The following DNASE1 variants were observed in gnomAD, a reference collection of about 807,000 sequenced individuals.
DNASE1 encodes the protein deoxyribonuclease-1.
Under a neutral mutation model 33.9 loss-of-function variants are expected in DNASE1, and 40 were observed. That is an observed-to-expected ratio of 1.18 (90% CI 0.92 to 1.54). The LOEUF is 1.54. Among genes scored for constraint, DNASE1 ranks in the 40% most tolerant of loss-of-function variants. DNASE1 has a pLI of 0.00. For synonymous variants in DNASE1, 216 were observed against 160.0 expected (o/e 1.35, Z -2.64); for missense variants, 518 against 372.6 (o/e 1.39, Z -3.21).
downstream of DNASE1, chr16:3,660,663 G>C (rs1354711310): frequency 2.0e-5 from 3 of 152,228 alleles, no homozygotes; most frequent in Non-Finnish European, 1.5e-5. Flanking sequence ...TTCCCCAGGA[G>C]TGCCATGGCT....
intron 1 of DNASE1, among the ~76,000 whole-genome samples, chr16:3,645,280 G>T (rs540680752): frequency 2.0e-5 from 3 of 152,334 alleles, no homozygotes; most frequent in East Asian, 3.9e-4. Flanking sequence ...CAGGGAGGGG[G>T]CCCTGCTGAG....
At chr16:3,650,616 AAAAAG>A (rs1427595241), upstream of DNASE1, 16 of 147,870 alleles carry the variant, frequency 1.1e-4, no homozygotes, top group African/African-American at 1.8e-4. Context: ...AAAAAAAAAA[AAAAAG>A]AAAAGAAAAA....
At chr16:3,657,681 T>C in intron 7 of DNASE1, 39 bp from the exon 8 acceptor site, 1 of 1,612,314 alleles carries the variant, frequency 6.2e-7, no homozygotes, top group Non-Finnish European at 8.5e-7. Flanking sequence ...GGCCCATGTG[T>C]GAAAGGGGAA....
At chr16:3,653,006 A>G (rs1178615450), upstream of DNASE1, 1 of 152,286 alleles carries the variant, frequency 6.6e-6, no homozygotes, top group Admixed American at 6.5e-5. Flanking sequence ...GGGGTGGCTC[A>G]AAAGATAGCT....
At chr16:3,654,477 A>T (rs1355896391), upstream of DNASE1, 2 of 398,624 alleles carry the variant, frequency 5.0e-6, no homozygotes, top group Non-Finnish European at 4.4e-6. Flanking sequence ...GCAACTTTGG[A>T]TGTGGCTTTG....
intron 1 of DNASE1, among the ~76,000 whole-genome samples, chr16:3,629,867 G>A (rs548429918): frequency 2.4e-4 from 37 of 152,334 alleles, no homozygotes; most frequent in Non-Finnish European, 4.0e-4. Context: ...AGGCTGGAGT[G>A]TAGTGGCACA....
intron 1 of DNASE1, among the ~76,000 whole-genome samples, chr16:3,615,721 A>C (rs955122139): frequency 1.3e-5 from 2 of 152,232 alleles, no homozygotes; most frequent in African/African-American, 4.8e-5. Flanking sequence ...CCCAGTTCAT[A>C]GGAGTCGGTA....
intron 1 of DNASE1, chr16:3,612,042 G>T (rs1473835034): frequency 6.6e-6 from 1 of 152,286 alleles, no homozygotes; most frequent in African/African-American, 2.4e-5. Flanking sequence ...TGGAGGTCGG[G>T]GAGGGTTAGC....
upstream of DNASE1, among the ~76,000 whole-genome samples, chr16:3,639,935 T>G (rs535816590): frequency 2.0e-5 from 3 of 152,208 alleles, no homozygotes; most frequent in Non-Finnish European, 4.4e-5. Context: ...TGAATTTTGT[T>G]GAATTCCTTT....
upstream of DNASE1, chr16:3,653,508 G>A (rs45626736): frequency 0.053 from 8,011 of 152,028 alleles, 236 homozygotes; most frequent in Admixed American, 0.067. Context: ...CCTTGTGTCT[G>A]TGAGAAACTT....
intron 3 of DNASE1, 26 bp from the exon 4 acceptor site, chr16:3,656,076 T>G (rs955452774): frequency 1.2e-6 from 2 of 1,613,508 alleles, no homozygotes; most frequent in Non-Finnish European, 1.7e-6. Flanking sequence ...CCCCCGCCAC[T>G]GGGACCTTTT....
At chr16:3,648,254 A>G (rs537711496) in intron 1 of DNASE1, among the ~76,000 whole-genome samples, 4 of 151,808 alleles carry the variant, frequency 2.6e-5, no homozygotes, top group Admixed American at 1.3e-4. Flanking sequence ...GTGCACTACA[A>G]TTGTGCCTGT....
At position 3,655,414 on chromosome 16, in the gene DNASE1, C is replaced by A. The variant is rs148015097; in HGVS notation, c.41C>A (p.Ala14Glu). The change falls in exon 2 of 9, where the codon GCG becomes GAG. Residue 14 changes from alanine to glutamate, a missense_variant. Physicochemically the swap from Ala to Glu is moderately radical, Grantham distance 107. Transcript: ENST00000246949. The part of the protein sequence containing the change: ...MKLLGALLAL[A>E]ALLQGAVSLK... ...CTGCTGGGGGCGCTGCTGGCACTGG[C>A]GGCCCTACTGCAGGGGGCCGTGTCC... 10 of 1,613,974 alleles carry A rather than the reference C, an allele frequency of 6.2e-6. No homozygotes were observed. The highest frequency in any genetic ancestry group is 8.5e-6 in the Non-Finnish European group (10 of 1,180,028).
chr16:3,657,640 T>G (rs2042769612), intron 7 of DNASE1, 80 bp from the exon 8 acceptor site: 1 of 1,575,482 alleles, frequency 6.3e-7, no homozygotes, highest in African/African-American at 1.4e-5. Flanking sequence ...GTCCCAGGGC[T>G]CTTAGTTTAG....
chr16:3,636,284 T>C (rs1446798762), intron 1 of DNASE1, among the ~76,000 whole-genome samples: 1 of 152,262 alleles, frequency 6.6e-6, no homozygotes, highest in Non-Finnish European at 1.5e-5. Flanking sequence ...TTTGATTCTT[T>C]GAGTCTTTAT....
intron 1 of DNASE1, among the ~76,000 whole-genome samples, chr16:3,644,910 C>T (rs2042128956): frequency 6.6e-6 from 1 of 152,036 alleles, no homozygotes; most frequent in Admixed American, 6.5e-5. Context: ...AGGCGGATCA[C>T]TTGGGCTTAG....
chr16:3,663,995 G>C (rs368865858), exon 10 of DNASE1: 2 of 372,112 alleles, frequency 5.4e-6, no homozygotes, highest in East Asian at 1.1e-4. Context: ...CCCAGGAGGC[G>C]GAAGTTGCAG....
At chr16:3,639,746 A>G (rs551679837), upstream of DNASE1, among the ~76,000 whole-genome samples, 8 of 152,222 alleles carry the variant, frequency 5.3e-5, no homozygotes, top group East Asian at 1.4e-3. Flanking sequence ...TTTAAATTGG[A>G]TGCTGAATAT....
intron 1 of DNASE1, among the ~76,000 whole-genome samples, chr16:3,633,602 C>CG (rs1596588400): frequency 1.3e-5 from 2 of 150,298 alleles, no homozygotes; most frequent in East Asian, 3.9e-4. Flanking sequence ...GAGCGAGACT[C>CG]CATCTCAAGA....
Sources: gnomAD v4.1 joint callset for allele counts (sites outside exome capture counted in the v4.1 genomes callset) on GRCh38, gnomAD v4.1.1 for gene constraint, MANE v1.5 for transcripts, NCBI Gene and HGNC (gene_info 2026-07-23, HGNC 2026-07-21) for gene names.